BCAS3: variants seen among roughly 807,000 people sequenced by gnomAD.
The protein encoded by BCAS3 is BCAS3 microtubule associated cell migration factor, also known as BCAS4/BCAS3 fusion.
In BCAS3, 53 loss-of-function variants were observed where a neutral mutation model predicts 116.1. The ratio of observed to expected loss-of-function variants is 0.46; its 90% CI spans 0.37 to 0.57. The LOEUF is 0.57. BCAS3 is among the 20% of genes least tolerant of loss of function. BCAS3 has a pLI of 0.00. For synonymous variants in BCAS3, 391 were observed against 408.2 expected, an observed-to-expected ratio of 0.96 and a Z score of 0.51; for missense variants, 917 against 1,165.4, an observed-to-expected ratio of 0.79 and a Z score of 3.10.
chr17:60,836,302 T>C (rs2051371427), intron 7 of BCAS3, among the ~76,000 whole-genome samples: 1 of 152,180 alleles, frequency 6.6e-6, no homozygotes, highest in East Asian at 1.9e-4. Flanking sequence ...TAACAGATAG[T>C]TAACATTAAT....
intron 20 of BCAS3, among the ~76,000 whole-genome samples, chr17:61,076,961 G>A (rs2072057062): frequency 6.6e-6 from 1 of 152,040 alleles, no homozygotes; most frequent in Non-Finnish European, 1.5e-5. Flanking sequence ...GTTATGTTTT[G>A]TTAAGAATTA....
intron 22 of BCAS3, among the ~76,000 whole-genome samples, chr17:61,358,087 CAAA>C (rs11324354): frequency 2.9e-5 from 4 of 138,674 alleles, no homozygotes; most frequent in Admixed American, 7.3e-5. Context: ...GACTCCATCT[CAAA>C]AAAAAAAAAA....
intron 14 of BCAS3, among the ~76,000 whole-genome samples, chr17:60,968,585 G>A (rs2061783804): frequency 1.3e-5 from 2 of 152,016 alleles, no homozygotes; most frequent in South Asian, 2.1e-4. Context: ...TTGGATATAG[G>A]TGGTACCTAA....
At chr17:61,125,379 T>G (rs879860695) in intron 22 of BCAS3, among the ~76,000 whole-genome samples, 2 of 152,216 alleles carry the variant, frequency 1.3e-5, no homozygotes, top group Non-Finnish European at 2.9e-5. Context: ...GTGGTCATAT[T>G]GCTTCAATGA....
At chr17:61,230,026 G>A (rs529886201) in intron 22 of BCAS3, among the ~76,000 whole-genome samples, 1 of 152,254 alleles carries the variant, frequency 6.6e-6, no homozygotes, top group African/African-American at 2.4e-5. Context: ...TCAGGAGGCT[G>A]AGCCAGGAGA....
At position 60,889,879 on chromosome 17, in the gene BCAS3, C is replaced by T. The variant is rs1000202801; in HGVS notation, c.738+108C>T. ...TTGATTACCAATAATAAATGTTTTA[C>T]TTACTAGTTCATTTGCTTTGGTTTG... On this transcript the variant is annotated intron_variant, in intron 10 of 23. Transcript: ENST00000407086. 2.7e-5 allele frequency: 27 copies of T among 982,026 alleles called. No individual in the cohort carries two copies. The African/African-American group carries it at 3.1e-4, about 11-fold the overall frequency. 60.8% of individuals were successfully genotyped at this position (982,026 alleles called of 1,614,324 possible).
chr17:60,816,508 C>T (rs529175858), intron 7 of BCAS3, among the ~76,000 whole-genome samples: 39 of 152,098 alleles, frequency 2.6e-4, no homozygotes, highest in African/African-American at 8.2e-4. Context: ...CTCCTGACCT[C>T]GTGATCCGCC....
intron 22 of BCAS3, among the ~76,000 whole-genome samples, chr17:61,360,778 T>C (rs1452451626): frequency 1.3e-5 from 2 of 152,206 alleles, no homozygotes; most frequent in African/African-American, 4.8e-5. Context: ...GCTGGACATA[T>C]CTTTTGGGTG....
chr17:60,709,360 C>A, intron 5 of BCAS3, 35 bp downstream of exon 5: 1 of 1,226,440 alleles, frequency 8.2e-7, no homozygotes, highest in South Asian at 1.2e-5. Context: ...CTAAAACATA[C>A]TTCCCAGCAT....
rs548702937 is a variant in BCAS3, at chr17:60,693,345, T to C, written c.214+3584T>C. On this transcript the variant is annotated intron_variant, in intron 4 of 23. Transcript: ENST00000407086. The stretch of plus-strand genomic sequence containing the variant: ...CTGGTTTACTCTAGTATAATGGGAA[T>C]TGCTTTCTAGCCTGTGCAGTGAAAT... Among the ~76,000 whole-genome samples the C allele has an allele frequency of 5.3e-5, 8 of 152,068 alleles. 1 individual carries two copies. The highest frequency in any genetic ancestry group is 2.1e-4 in the South Asian group (1 of 4,824).
In BCAS3 at chr17:61,301,498, G is replaced by A. The variant is rs545755360; in HGVS notation, c.2426-66829G>A. Among the ~76,000 whole-genome samples the A allele has an allele frequency of 2.6e-5, 4 of 152,158 alleles. No homozygotes were observed. The East Asian group carries it at 5.8e-4, about 22-fold the overall frequency. On this transcript the variant is annotated intron_variant, in intron 22 of 23. Coordinates refer to ENST00000407086, the MANE Select transcript of BCAS3 (RefSeq NM_017679.5). ...AAAAAATACAAAAAATTAGCTGGGC[G>A]TGGTGGCAGGTGCCTGTAATCCCAG...
intron 14 of BCAS3, among the ~76,000 whole-genome samples, chr17:60,971,284 C>T (rs2061943875): frequency 6.6e-6 from 1 of 152,138 alleles, no homozygotes; most frequent in Non-Finnish European, 1.5e-5. Context: ...AATGAAACTT[C>T]TAGAGGGTTT....
intron 22 of BCAS3, among the ~76,000 whole-genome samples, chr17:61,321,488 T>C (rs1397580636): frequency 6.6e-6 from 1 of 152,214 alleles, no homozygotes; most frequent in East Asian, 1.9e-4. Flanking sequence ...GAGTGGCTGA[T>C]GACCTCAAGA....
At chr17:61,237,271 C>T (rs750775941) in intron 22 of BCAS3, among the ~76,000 whole-genome samples, 30 of 152,116 alleles carry the variant, frequency 2.0e-4, no homozygotes, top group Admixed American at 3.9e-4. Context: ...CACCAATCAG[C>T]GCTCTGTAAA....
In BCAS3 at chr17:60,757,394, A is replaced by ATGTGTGTGTGTGTG. The variant is rs61645091; in HGVS notation, c.403+10145_403+10158dup. On this transcript the variant is annotated intron_variant, in intron 6 of 23. Coordinates refer to ENST00000407086, the MANE Select transcript of BCAS3 (RefSeq NM_017679.5). ...TCTCTGCATCCTTGCCAGCATGTAT[A>ATGTGTGTGTGTGTG]TGTGTGTGTGTGTGTGTGTGTGTGT... Among the ~76,000 whole-genome samples the ATGTGTGTGTGTGTG allele has an allele frequency of 1.2e-3, 166 of 136,676 alleles. 1 individual carries two copies. The highest frequency in any genetic ancestry group is 3.6e-3 in the African/African-American group (134 of 36,740). 89.7% of individuals were successfully genotyped at this position (136,676 alleles called of 152,430 possible).
intron 5 of BCAS3, among the ~76,000 whole-genome samples, chr17:60,718,419 A>G (rs556991813): frequency 6.6e-6 from 1 of 152,176 alleles, no homozygotes; most frequent in African/African-American, 2.4e-5. Flanking sequence ...ATAATTAACT[A>G]GAGTTCAATA....
At chr17:60,708,348 G>A (rs1370941872) in intron 4 of BCAS3, among the ~76,000 whole-genome samples, 2 of 145,128 alleles carry the variant, frequency 1.4e-5, no homozygotes, top group African/African-American at 2.5e-5. Flanking sequence ...AAAAAAGTTT[G>A]TGGAGAATTG....
At chr17:60,753,179 A>C (rs911410985) in intron 6 of BCAS3, among the ~76,000 whole-genome samples, 2 of 152,056 alleles carry the variant, frequency 1.3e-5, no homozygotes, top group East Asian at 3.8e-4. Context: ...GAAGATAGAA[A>C]ATCCTCATAT....
intron 22 of BCAS3, among the ~76,000 whole-genome samples, chr17:61,257,294 G>T (rs976778465): frequency 6.6e-6 from 1 of 151,960 alleles, no homozygotes; most frequent in Middle Eastern, 3.2e-3. Context: ...GTGGCCACAC[G>T]CCTGTAGTCC....
Sources: gnomAD v4.1 joint callset for allele counts (sites outside exome capture counted in the v4.1 genomes callset) on GRCh38, gnomAD v4.1.1 for gene constraint, MANE v1.5 for transcripts, NCBI Gene and HGNC (gene_info 2026-07-23, HGNC 2026-07-21) for gene names.